NUP98: variants seen among roughly 807,000 people sequenced by gnomAD.
NUP98 encodes the protein nuclear pore complex protein Nup98-Nup96.
In NUP98, 26 loss-of-function variants were observed where a neutral mutation model predicts 191.9. That is an observed-to-expected ratio of 0.14 (90% CI 0.10 to 0.19). The LOEUF (loss-of-function observed/expected upper bound fraction) is 0.19. NUP98 is among the 10% of genes least tolerant of loss of function. The probability of loss-of-function intolerance (pLI) is 1.00; values close to 1 mark genes in which losing one functional copy is unlikely to be tolerated. For missense variants in NUP98, 1,941 were observed against 2,178.8 expected, an observed-to-expected ratio of 0.89 and a Z score of 2.17; for synonymous variants, 808 against 778.4, an observed-to-expected ratio of 1.04 and a Z score of -0.63.
intron 1 of NUP98, among the ~76,000 whole-genome samples, chr11:3,790,207 C>T (rs998910565): frequency 2.0e-5 from 3 of 152,204 alleles, no homozygotes; most frequent in Admixed American, 6.5e-5. Context: ...GTTCCCTTCA[C>T]GAACAGACCA....
intron 30 of NUP98, among the ~76,000 whole-genome samples, chr11:3,682,247 A>G (rs940672185): frequency 1.3e-5 from 2 of 152,200 alleles, no homozygotes; most frequent in African/African-American, 4.8e-5. Flanking sequence ...TTTCACTTTC[A>G]TATCATTTAT....
intron 18 of NUP98, among the ~76,000 whole-genome samples, chr11:3,717,830 T>C (rs1442299518): frequency 1.3e-5 from 2 of 152,038 alleles, no homozygotes; most frequent in East Asian, 3.9e-4. Context: ...TTCTGTATTA[T>C]GATGATGATG....
intron 20 of NUP98, chr11:3,711,613 AAAG>A (rs1322627935): frequency 1.2e-5 from 2 of 166,588 alleles, no homozygotes; most frequent in South Asian, 2.0e-4. Flanking sequence ...AAAAATTAGG[AAAG>A]AAGGAGATGA....
Position 3,744,522 on chromosome 11 carries a change from G to C in NUP98, c.1395C>G (p.Pro465=). 6.2e-7 allele frequency: 1 copy of C among 1,612,334 alleles called. No individual in the cohort carries two copies. The highest frequency in any genetic ancestry group is 8.5e-7 in the Non-Finnish European group (1 of 1,179,370). ...ACTGACACTTACCTACTGGGGCCTG[G>C]GGGGCTCCAAAGCCCAAAGTGGCTG... ...TTTATLGFGA[P]QAPVALTDPN... Residue 465 remains proline, a synonymous_variant, in exon 12 of 33, where the codon CCC becomes CCG. Coordinates refer to ENST00000324932, the MANE Select transcript of NUP98 (RefSeq NM_016320.5).
chr11:3,721,267 G>C (rs1022672587), intron 16 of NUP98, among the ~76,000 whole-genome samples: 2 of 152,176 alleles, frequency 1.3e-5, no homozygotes, highest in African/African-American at 2.4e-5. Context: ...GAAATAACTT[G>C]TGTTGGCTTA....
intron 12 of NUP98, among the ~76,000 whole-genome samples, chr11:3,737,518 T>C (rs2134323616): frequency 6.6e-6 from 1 of 152,130 alleles, no homozygotes; most frequent in African/African-American, 2.4e-5. Context: ...TCCCAGCTAC[T>C]CCGGAGGCTG....
chr11:3,714,123 G>A, intron 18 of NUP98, 128 bp from the exon 19 acceptor site: 1 of 952,666 alleles, frequency 1.0e-6, no homozygotes, highest in Non-Finnish European at 1.6e-6. Context: ...TTCTGCATGT[G>A]TCATAAACTT....
At chr11:3,725,869 G>A (rs2079599608) in intron 14 of NUP98, among the ~76,000 whole-genome samples, 1 of 152,098 alleles carries the variant, frequency 6.6e-6, no homozygotes, top group Non-Finnish European at 1.5e-5. Context: ...GTGTGTAGTG[G>A]TACAATCGCT....
intron 28 of NUP98, among the ~76,000 whole-genome samples, chr11:3,688,231 T>C (rs1226136841): frequency 6.6e-6 from 1 of 151,454 alleles, no homozygotes; most frequent in Non-Finnish European, 1.5e-5. Context: ...GGTGAAACCA[T>C]GGTGAAACCC....
chr11:3,720,747 T>C lies in NUP98; in HGVS notation c.2225A>G (p.Glu742Gly). The C allele has an allele frequency of 6.2e-7, 1 of 1,600,942 alleles. No homozygotes were observed. Among genetic ancestry groups the C allele is most frequent in the Non-Finnish European group, 8.5e-7 (1 of 1,170,484 alleles). The change falls in exon 17 of 33, where the codon GAG becomes GGG. Residue 742 changes from glutamate to glycine, a missense_variant. Coordinates refer to ENST00000324932, the MANE Select transcript of NUP98 (RefSeq NM_016320.5). The stretch of plus-strand genomic sequence containing the variant: ...AATAGTGAAATCAGAGACAATGCAC[T>C]CTCCTTTTTCATTGGTAATTTTAGC... Reference protein sequence around the residue: ...DLAKITNEKGECIVSDFTIGR... With the variant: ...DLAKITNEKGGCIVSDFTIGR...
intron 24 of NUP98, 55 bp downstream of exon 24, chr11:3,700,555 C>T (rs910234158): frequency 2.3e-5 from 29 of 1,250,672 alleles, no homozygotes; most frequent in Middle Eastern, 2.1e-4. Context: ...CGTGAACATA[C>T]GCTACCACCA....
At chr11:3,738,171 T>A (rs374863694) in intron 12 of NUP98, among the ~76,000 whole-genome samples, 1 of 151,434 alleles carries the variant, frequency 6.6e-6, no homozygotes, top group African/African-American at 2.4e-5. Flanking sequence ...TATATCTGTA[T>A]GAATAAATAT....
chr11:3,718,525 A>T (rs2079268273), intron 18 of NUP98, among the ~76,000 whole-genome samples: 1 of 152,064 alleles, frequency 6.6e-6, no homozygotes, highest in Admixed American at 6.6e-5. Context: ...AAAGGAGTGA[A>T]ACTCTGTCTC....
chr11:3,697,304 T>C (rs2078539844), intron 25 of NUP98: 1 of 152,286 alleles, frequency 6.6e-6, no homozygotes, highest in Admixed American at 6.5e-5. Context: ...GTAGTGACAG[T>C]GGAATGCAAC....
intron 23 of NUP98, 54 bp downstream of exon 23, chr11:3,702,409 T>C (rs1347133292): frequency 1.3e-6 from 2 of 1,514,410 alleles, no homozygotes; most frequent in Non-Finnish European, 1.8e-6. Flanking sequence ...CCTGATTAGT[T>C]TTTTTCACCT....
intron 27 of NUP98, 45 bp downstream of exon 27, chr11:3,693,187 T>C: frequency 1.2e-6 from 2 of 1,606,744 alleles, no homozygotes; most frequent in East Asian, 4.5e-5. Context: ...GACAATACTT[T>C]AACACCCAGC....
chr11:3,794,978 T>C (rs1293952209), intron 1 of NUP98, among the ~76,000 whole-genome samples: 3 of 152,212 alleles, frequency 2.0e-5, no homozygotes, highest in Non-Finnish European at 2.9e-5. Context: ...CATAACTGCA[T>C]AGTCTCATTA....
intron 25 of NUP98, chr11:3,696,717 G>A (rs2078519562): frequency 6.6e-6 from 1 of 152,250 alleles, no homozygotes; most frequent in Non-Finnish European, 1.5e-5. Context: ...GGCTGAGGCA[G>A]GAGAATCGCT....
At chr11:3,789,235 A>AG (rs914785490) in intron 1 of NUP98, among the ~76,000 whole-genome samples, 42 of 152,308 alleles carry the variant, frequency 2.8e-4, no homozygotes, top group African/African-American at 1.0e-3. Context: ...TAATTTAAAA[A>AG]GCATAATAAA....
Sources: gnomAD v4.1 joint callset for allele counts (sites outside exome capture counted in the v4.1 genomes callset) on GRCh38, gnomAD v4.1.1 for gene constraint, MANE v1.5 for transcripts, NCBI Gene and HGNC (gene_info 2026-07-23, HGNC 2026-07-21) for gene names.